STXBP5L: variants seen among roughly 807,000 people sequenced by gnomAD.
The protein encoded by STXBP5L is syntaxin-binding protein 5-like.
Under a neutral mutation model 144.5 loss-of-function variants are expected in STXBP5L, and 65 were observed. The observed-to-expected ratio is 0.45, with a 90% CI of 0.37 to 0.55. The LOEUF is 0.55. Among genes scored for constraint, STXBP5L ranks in the 20% least tolerant of loss-of-function variants. STXBP5L has a pLI of 0.00. For missense variants in STXBP5L, 1,298 were observed against 1,405.5 expected, an observed-to-expected ratio of 0.92 and a Z score of 1.22; for synonymous variants, 505 against 469.6, an observed-to-expected ratio of 1.08 and a Z score of -0.97.
At chr3:121,090,742 A>T (rs908782116) in intron 5 of STXBP5L, among the ~76,000 whole-genome samples, 15 of 151,560 alleles carry the variant, frequency 9.9e-5, no homozygotes, top group African/African-American at 3.6e-4. Flanking sequence ...TGGGGACACA[A>T]TTAGTGCCTC....
intron 23 of STXBP5L, among the ~76,000 whole-genome samples, chr3:121,411,243 A>G (rs1248750373): frequency 6.6e-6 from 1 of 152,164 alleles, no homozygotes; most frequent in Admixed American, 6.6e-5. Flanking sequence ...CATATTGGAC[A>G]GCACAGTGCT....
In STXBP5L at chr3:121,044,093, A is replaced by G. The variant is rs544840170; in HGVS notation, c.370-1342A>G. On this transcript the variant is annotated intron_variant, in intron 4 of 26. Transcript: ENST00000471454. ...AATTATCAAGGCTTATATATAGAAT[A>G]CCTCCTATTTCATTGAAGGAAATTA... Among the ~76,000 whole-genome samples, 7 of 152,208 alleles carry G rather than the reference A, an allele frequency of 4.6e-5. No individual in the cohort carries two copies. In the East Asian group the frequency reaches 1.4e-3, roughly 29 times the overall value.
chr3:120,933,889 A>T (rs887132715), intron 2 of STXBP5L, among the ~76,000 whole-genome samples: 3 of 152,228 alleles, frequency 2.0e-5, no homozygotes, highest in Non-Finnish European at 2.9e-5. Flanking sequence ...GTTTTAAAAA[A>T]ATCTCCTTTA....
At chr3:121,003,273 T>C (rs1943950063) in intron 3 of STXBP5L, among the ~76,000 whole-genome samples, 1 of 151,942 alleles carries the variant, frequency 6.6e-6, no homozygotes, top group Non-Finnish European at 1.5e-5. Flanking sequence ...CGGTATCTCA[T>C]TGTGGTTTTG....
At chr3:121,002,910 A>C (rs528984219) in intron 3 of STXBP5L, among the ~76,000 whole-genome samples, 1 of 152,164 alleles carries the variant, frequency 6.6e-6, no homozygotes, top group Non-Finnish European at 1.5e-5. Context: ...GCTGCATAGT[A>C]TTCCATGGTG....
chr3:121,163,409 G>A (rs1423457995), intron 9 of STXBP5L, among the ~76,000 whole-genome samples: 11 of 151,894 alleles, frequency 7.2e-5, no homozygotes, highest in Admixed American at 2.6e-4. Flanking sequence ...ACATCACATA[G>A]TAGGGTCTCT....
At chr3:121,372,584 T>C (rs941031041) in intron 20 of STXBP5L, among the ~76,000 whole-genome samples, 7 of 152,168 alleles carry the variant, frequency 4.6e-5, no homozygotes, top group Non-Finnish European at 7.3e-5. Flanking sequence ...GCAGGAGTCA[T>C]TGGGGTCAGG....
intron 9 of STXBP5L, among the ~76,000 whole-genome samples, chr3:121,188,837 C>A (rs2047510529): frequency 6.6e-6 from 1 of 152,162 alleles, no homozygotes; most frequent in South Asian, 2.1e-4. Flanking sequence ...TTATGACAAA[C>A]CCACAGTCAA....
At chr3:121,013,734 G>C (rs1423205434) in intron 3 of STXBP5L, among the ~76,000 whole-genome samples, 1 of 151,500 alleles carries the variant, frequency 6.6e-6, no homozygotes, top group African/African-American at 2.4e-5. Context: ...TATCTAGAAG[G>C]GTATTTCCTA....
intron 2 of STXBP5L, among the ~76,000 whole-genome samples, chr3:120,911,462 C>T (rs1193002164): frequency 6.6e-6 from 1 of 152,086 alleles, no homozygotes; most frequent in Non-Finnish European, 1.5e-5. Flanking sequence ...AGCCATTTAT[C>T]TCCCTTGAGC....
At chr3:120,917,669 C>T (rs2107572633) in intron 2 of STXBP5L, among the ~76,000 whole-genome samples, 1 of 152,232 alleles carries the variant, frequency 6.6e-6, no homozygotes, top group East Asian at 1.9e-4. Context: ...ACTAATAGTA[C>T]TCCAGCCTGG....
At chr3:121,225,094 GC>G (rs2049080131) in intron 11 of STXBP5L, among the ~76,000 whole-genome samples, 1 of 152,070 alleles carries the variant, frequency 6.6e-6, no homozygotes, top group South Asian at 2.1e-4. Context: ...CTTGTCAAAA[GC>G]TAGGAGATGT....
chr3:120,934,433 G>A (rs965315370), intron 2 of STXBP5L, among the ~76,000 whole-genome samples: 1 of 151,988 alleles, frequency 6.6e-6, no homozygotes, highest in Non-Finnish European at 1.5e-5. Context: ...TTACCTTTGC[G>A]AATGTTGTGT....
At chr3:121,042,521 T>C (rs1947230417) in intron 4 of STXBP5L, among the ~76,000 whole-genome samples, 1 of 152,166 alleles carries the variant, frequency 6.6e-6, no homozygotes, top group Non-Finnish European at 1.5e-5. Context: ...ATGCAGGCAC[T>C]TAGAAGATTG....
At chr3:120,990,356 C>G (rs1942720054) in intron 3 of STXBP5L, among the ~76,000 whole-genome samples, 1 of 152,126 alleles carries the variant, frequency 6.6e-6, no homozygotes, top group South Asian at 2.1e-4. Context: ...TAGGAAGAAT[C>G]AATATCGTGA....
chr3:121,327,965 A>G (rs1194877901), intron 20 of STXBP5L, among the ~76,000 whole-genome samples: 1 of 152,216 alleles, frequency 6.6e-6, no homozygotes, highest in African/African-American at 2.4e-5. Context: ...TGAAGGATTA[A>G]AGAGACCATT....
chr3:121,149,317 C>G (rs1472907766), intron 7 of STXBP5L, among the ~76,000 whole-genome samples: 1 of 151,840 alleles, frequency 6.6e-6, no homozygotes, highest in South Asian at 2.1e-4. Context: ...ATTTATACTT[C>G]TTTAAATCTC....
At chr3:121,188,314 A>G (rs531595761) in intron 9 of STXBP5L, among the ~76,000 whole-genome samples, 3 of 152,296 alleles carry the variant, frequency 2.0e-5, no homozygotes, top group African/African-American at 7.2e-5. Flanking sequence ...AATGTAAAAG[A>G]ATAGAAATCA....
chr3:120,951,438 G>T (rs1711217688), intron 2 of STXBP5L, among the ~76,000 whole-genome samples: 1 of 151,758 alleles, frequency 6.6e-6, no homozygotes, highest in Admixed American at 6.6e-5. Context: ...AATCTACAAT[G>T]AACTCAAACA....
Sources: allele counts gnomAD v4.1 joint callset (sites outside exome capture counted in the v4.1 genomes callset), GRCh38; gene constraint gnomAD v4.1.1; transcripts MANE v1.5; gene names NCBI Gene and HGNC (gene_info 2026-07-23, HGNC 2026-07-21).